Variants in GALNTL6 observed in about 807,000 individuals in gnomAD.
The protein encoded by GALNTL6 is polypeptide N-acetylgalactosaminyltransferase like 6.
In GALNTL6, 46 loss-of-function variants were observed where a neutral mutation model predicts 73.7. The observed-to-expected ratio is 0.62, with a 90% CI of 0.49 to 0.80. GALNTL6 has a LOEUF of 0.80. Ranked by LOEUF, GALNTL6 falls within the 30% of genes least tolerant of loss-of-function variation. The pLI, the probability that GALNTL6 is intolerant of heterozygous loss-of-function variation, is 0.00. For synonymous variants in GALNTL6, 259 were observed against 263.7 expected, an observed-to-expected ratio of 0.98 and a Z score of 0.17; for missense variants, 604 against 755.0, an observed-to-expected ratio of 0.80 and a Z score of 2.34.
intron 4 of GALNTL6, among the ~76,000 whole-genome samples, chr4:172,312,421 A>G (rs1438892308): frequency 1.3e-5 from 2 of 152,138 alleles, no homozygotes; most frequent in Non-Finnish European, 2.9e-5. Context: ...TTAATGTGTT[A>G]TTGTTTTCCT....
At chr4:172,390,994 T>C (rs1383132921) in intron 5 of GALNTL6, among the ~76,000 whole-genome samples, 2 of 152,188 alleles carry the variant, frequency 1.3e-5, no homozygotes, top group Admixed American at 1.3e-4. Flanking sequence ...GTCAATGTTA[T>C]TTACACTTTA....
At chr4:172,711,492 C>T (rs1734700926) in intron 5 of GALNTL6, among the ~76,000 whole-genome samples, 1 of 152,066 alleles carries the variant, frequency 6.6e-6, no homozygotes, top group Non-Finnish European at 1.5e-5. Flanking sequence ...AGGAATCCCT[C>T]TGGCTTTTGG....
At chr4:172,128,050 A>C (rs1733353764) in intron 2 of GALNTL6, among the ~76,000 whole-genome samples, 2 of 152,238 alleles carry the variant, frequency 1.3e-5, no homozygotes, top group South Asian at 4.1e-4. Flanking sequence ...GTTGCAGTGC[A>C]CCGAGATGGT....
chr4:172,049,825 A>G (rs894396692), intron 2 of GALNTL6, among the ~76,000 whole-genome samples: 1 of 152,118 alleles, frequency 6.6e-6, no homozygotes, highest in African/African-American at 2.4e-5. Flanking sequence ...CTCTACTAAA[A>G]ATACAAAAGT....
At chr4:172,606,492 C>G (rs1225161932) in intron 5 of GALNTL6, among the ~76,000 whole-genome samples, 1 of 142,192 alleles carries the variant, frequency 7.0e-6, no homozygotes, top group African/African-American at 2.6e-5. Context: ...AAAAAAATAG[C>G]TAATAAGAGT....
intron 5 of GALNTL6, among the ~76,000 whole-genome samples, chr4:172,351,835 C>T (rs1311629267): frequency 6.6e-6 from 1 of 152,076 alleles, no homozygotes; most frequent in Non-Finnish European, 1.5e-5. Context: ...CATTTCTGTT[C>T]AGTATTTGCA....
chr4:172,613,434 T>C (rs569905440), intron 5 of GALNTL6, among the ~76,000 whole-genome samples: 7 of 151,742 alleles, frequency 4.6e-5, no homozygotes, highest in South Asian at 2.1e-4. Flanking sequence ...GGCTACTAGA[T>C]GTGTTTGAGA....
At chr4:172,790,147 C>A (rs373793034) in intron 5 of GALNTL6, among the ~76,000 whole-genome samples, 1 of 152,158 alleles carries the variant, frequency 6.6e-6, no homozygotes, top group Non-Finnish European at 1.5e-5. Context: ...TCATCCAGGG[C>A]GTCTGCAGAA....
intron 5 of GALNTL6, among the ~76,000 whole-genome samples, chr4:172,711,600 T>C (rs1734709154): frequency 6.6e-6 from 1 of 152,016 alleles, no homozygotes; most frequent in Admixed American, 6.6e-5. Flanking sequence ...AACAACAAAA[T>C]GATAAGAGTT....
chr4:172,937,726 G>A (rs116676910), intron 9 of GALNTL6, among the ~76,000 whole-genome samples: 1,738 of 152,284 alleles, frequency 0.011, 29 homozygotes, highest in African/African-American at 0.04. Context: ...CCATGCAGCA[G>A]TAATCCACGT....
intron 2 of GALNTL6, among the ~76,000 whole-genome samples, chr4:172,072,564 A>C (rs1229711635): frequency 6.6e-6 from 1 of 152,152 alleles, no homozygotes; most frequent in Non-Finnish European, 1.5e-5. Flanking sequence ...TCACAGAACT[A>C]TTCAGATCTA....
intron 5 of GALNTL6, among the ~76,000 whole-genome samples, chr4:172,737,209 GC>G (rs1736520870): frequency 6.6e-6 from 1 of 152,104 alleles, no homozygotes. Flanking sequence ...TCTACCCATT[GC>G]TCTTGCTCAG....
intron 10 of GALNTL6, 126 bp from the exon 11 acceptor site, chr4:173,009,052 T>A: frequency 1.5e-6 from 1 of 679,056 alleles, no homozygotes; most frequent in East Asian, 2.5e-5. Context: ...AAATTCAAGG[T>A]CTCATTCAAT....
chr4:172,196,152 G>A (rs1251199279), intron 2 of GALNTL6, among the ~76,000 whole-genome samples: 1 of 151,216 alleles, frequency 6.6e-6, no homozygotes, highest in African/African-American at 2.4e-5. Context: ...ACAACATACA[G>A]AGAATACTAT....
chr4:172,366,562 G>A (rs966580634), intron 5 of GALNTL6, among the ~76,000 whole-genome samples: 11 of 152,076 alleles, frequency 7.2e-5, no homozygotes, highest in South Asian at 4.1e-4. Flanking sequence ...TACATACTCA[G>A]TACATGAACG....
chr4:173,033,644 C>T (rs1753562868), intron 12 of GALNTL6, among the ~76,000 whole-genome samples: 1 of 152,170 alleles, frequency 6.6e-6, no homozygotes, highest in East Asian at 1.9e-4. Flanking sequence ...ACTCCATTCA[C>T]TTTACAGATG....
At chr4:172,473,803 CCAAATTGATATCT>C (rs1183047436) in intron 5 of GALNTL6, among the ~76,000 whole-genome samples, 8 of 152,134 alleles carry the variant, frequency 5.3e-5, no homozygotes, top group African/African-American at 1.7e-4. Flanking sequence ...CCTCTGACTC[CCAAATTGATATCT>C]CAAATTGATA....
At chr4:172,772,462 A>G (rs904574199) in intron 5 of GALNTL6, among the ~76,000 whole-genome samples, 2 of 152,168 alleles carry the variant, frequency 1.3e-5, no homozygotes, top group Non-Finnish European at 2.9e-5. Context: ...TTTAGGAGAA[A>G]TAAAAGCAAA....
intron 5 of GALNTL6, among the ~76,000 whole-genome samples, chr4:172,602,352 T>C (rs1738090848): frequency 1.3e-5 from 2 of 151,890 alleles, no homozygotes; most frequent in Admixed American, 1.3e-4. Context: ...AAACAAAACT[T>C]TAAAACAAAA....
Sources: gnomAD v4.1 joint callset for allele counts (sites outside exome capture counted in the v4.1 genomes callset) on GRCh38, gnomAD v4.1.1 for gene constraint, MANE v1.5 for transcripts, NCBI Gene and HGNC (gene_info 2026-07-23, HGNC 2026-07-21) for gene names.